WDR44: variants seen among roughly 807,000 people sequenced by gnomAD.
The protein encoded by WDR44 is WD repeat domain 44.
A neutral mutation model predicts 65.7 loss-of-function variants in WDR44; 9 were observed. That is an observed-to-expected ratio of 0.14 (90% CI 0.08 to 0.24). WDR44 has a LOEUF of 0.24. Ranked by LOEUF, WDR44 falls within the 10% of genes least tolerant of loss-of-function variation. The pLI, the probability that WDR44 is intolerant of heterozygous loss-of-function variation, is 1.00. For missense variants in WDR44, 425 were observed against 670.9 expected, an observed-to-expected ratio of 0.63 and a Z score of 4.05; for synonymous variants, 220 against 235.2, an observed-to-expected ratio of 0.94 and a Z score of 0.59.
intron 2 of WDR44, among the ~76,000 whole-genome samples, chrX:118,383,669 G>A (rs747975403): frequency 5.3e-4 from 55 of 104,645 alleles, no homozygotes; most frequent in Admixed American, 1.3e-3. Context: ...TGCGGACCCC[G>A]TTCTGCTGAG....
intron 12 of WDR44, among the ~76,000 whole-genome samples, chrX:118,424,311 A>G (rs7064482): frequency 0.29 from 21,605 of 74,788 alleles, 3,865 homozygotes; most frequent in African/African-American, 0.66. Context: ...ATATATATAT[A>G]TGTGTGTGTG....
chrX:118,417,511 C>T (rs2057067399), intron 12 of WDR44, among the ~76,000 whole-genome samples: 1 of 111,679 alleles, frequency 9.0e-6, no homozygotes, highest in South Asian at 3.7e-4. Flanking sequence ...AGATAGGGCC[C>T]CAATCCCTTC....
intron 1 of WDR44, among the ~76,000 whole-genome samples, chrX:118,372,563 T>G (rs1035908801): frequency 1.3e-4 from 15 of 111,284 alleles, no homozygotes; most frequent in African/African-American, 4.9e-4. Context: ...AAATAAGCAT[T>G]TAAAAAGCCT....
Position 118,391,651 on chromosome X carries a change from C to T in WDR44, c.187-981C>T, listed in dbSNP as rs764612938. On this transcript the variant is annotated intron_variant, in intron 3 of 19. Coordinates refer to ENST00000254029, the MANE Select transcript of WDR44 (RefSeq NM_019045.5). ...GGAGAAAATATATTCTAAATGTTGG[C>T]AGAAGATAATAGAAAGCCTGTTTAT... Among the ~76,000 whole-genome samples the T allele has an allele frequency of 1.1e-3, 124 of 111,366 alleles. 1 individual carries two copies. Among genetic ancestry groups the T allele is most frequent in the Non-Finnish European group, 5.5e-4 (29 of 53,095 alleles).
In WDR44 at chrX:118,436,630, GT is replaced by G. The variant is rs2057257497; in HGVS notation, c.1852-70del. ...AACTGTTGAGATACAAAAACCAAAA[GT>G]TCACTTTTATTGTATAAATAGGGTT... On this transcript the variant is annotated intron_variant, in intron 13 of 19. Coordinates refer to ENST00000254029, the MANE Select transcript of WDR44 (RefSeq NM_019045.5). 3 of 1,126,115 alleles carry G rather than the reference GT, an allele frequency of 2.7e-6. No individual in the cohort carries two copies. In the South Asian group the frequency reaches 6.0e-5, roughly 22 times the overall value. 92.8% of individuals were successfully genotyped at this position (1,126,115 alleles called of 1,213,427 possible). A position where few individuals can be genotyped will look rare whatever the true frequency, so the allele number is the denominator to read the frequency against.
chrX:118,363,401 CAAAA>C (rs58108879), intron 1 of WDR44, among the ~76,000 whole-genome samples: 1 of 35,507 alleles, frequency 2.8e-5, no homozygotes, highest in Non-Finnish European at 6.5e-5. Flanking sequence ...AACTCCGTCT[CAAAA>C]AAAAAAAAAA....
In WDR44 at chrX:118,424,346, T is replaced by C. The variant is rs952917654; in HGVS notation, c.1738-8435T>C. ...GTGTATATATATATATATATATATA[T>C]ATGTATATATATATAATGTTCATCC... is the stretch of plus-strand genomic sequence containing the variant. On this transcript the variant is annotated intron_variant, in intron 12 of 19. Coordinates refer to ENST00000254029, the MANE Select transcript of WDR44 (RefSeq NM_019045.5). 1.5e-3 allele frequency among the ~76,000 whole-genome samples: 129 copies of C among 88,044 alleles called. No homozygotes were observed. In the Admixed American group the frequency reaches 0.015, roughly 10 times the overall value. 76.5% of individuals were successfully genotyped at this position (88,044 alleles called of 115,157 possible).
intron 3 of WDR44, among the ~76,000 whole-genome samples, chrX:118,390,713 G>T (rs1053341939): frequency 9.0e-6 from 1 of 111,596 alleles, no homozygotes. Context: ...CCTACTCCAC[G>T]TAAATATTAG....
intron 8 of WDR44, among the ~76,000 whole-genome samples, chrX:118,403,496 T>C (rs1395436318): frequency 1.3e-5 from 1 of 74,837 alleles, no homozygotes; most frequent in Non-Finnish European, 2.1e-5. Context: ...TGTTCCTCTA[T>C]TGACAAAAAA....
At chrX:118,390,814 A>C (rs1169456602) in intron 3 of WDR44, among the ~76,000 whole-genome samples, 1 of 111,458 alleles carries the variant, frequency 9.0e-6, no homozygotes, top group Non-Finnish European at 1.9e-5. Flanking sequence ...TTTTCATGTC[A>C]TCCATCACTG....
chrX:118,443,862 G>A (rs1449907979), intron 18 of WDR44, among the ~76,000 whole-genome samples, 175 bp downstream of exon 18: 1 of 110,853 alleles, frequency 9.0e-6, no homozygotes, highest in Admixed American at 9.7e-5. Context: ...GGCTAACACG[G>A]TGAAACTCTG....
At chrX:118,374,576 C>T (rs2056641099) in intron 1 of WDR44, among the ~76,000 whole-genome samples, 1 of 111,503 alleles carries the variant, frequency 9.0e-6, no homozygotes, top group Non-Finnish European at 1.9e-5. Context: ...TGATGTCACC[C>T]AGTTGCAAGC....
chrX:118,387,458 T>C (rs1442506166), intron 3 of WDR44, 44 bp downstream of exon 3: 4 of 964,665 alleles, frequency 4.1e-6, no homozygotes, highest in Non-Finnish European at 5.8e-6. Context: ...GCAGACATCA[T>C]ATTTATATGG....
In WDR44 at chrX:118,409,060, G is replaced by A. The variant is rs943085150; in HGVS notation, c.1534-429G>A. On this transcript the variant is annotated intron_variant, in intron 10 of 19. Coordinates refer to ENST00000254029, the MANE Select transcript of WDR44 (RefSeq NM_019045.5). ...GACTTAAGTAGTGTTAGCAATTTGA[G>A]CATTATCTTAGTATATGTAATTTGG... 3.6e-5 allele frequency among the ~76,000 whole-genome samples: 4 copies of A among 112,076 alleles called. No individual in the cohort carries two copies. In the South Asian group the frequency reaches 1.1e-3, roughly 31 times the overall value.
At chrX:118,411,834 G>T (rs2057015489) in intron 12 of WDR44, among the ~76,000 whole-genome samples, 1 of 112,025 alleles carries the variant, frequency 8.9e-6, no homozygotes, top group South Asian at 3.7e-4. Flanking sequence ...TAATATATAG[G>T]ATCTCTTTAT....
intron 1 of WDR44, among the ~76,000 whole-genome samples, chrX:118,350,655 A>G (rs1238182294): frequency 9.8e-5 from 11 of 112,013 alleles, no homozygotes; most frequent in Non-Finnish European, 1.3e-4. Flanking sequence ...GGTAAATTAT[A>G]TATGAGATGA....
intron 1 of WDR44, among the ~76,000 whole-genome samples, chrX:118,349,622 A>G (rs2056385735): frequency 9.3e-6 from 1 of 107,911 alleles, no homozygotes. Flanking sequence ...CAGTGGCACG[A>G]TCTCTGCTCA....
At position 118,356,894 on chromosome X, in the gene WDR44, AG is replaced by A. The variant is rs1490477714; in HGVS notation, c.77+10315del. On this transcript the variant is annotated intron_variant, in intron 1 of 19. Transcript: ENST00000254029. The stretch of plus-strand genomic sequence containing the variant: ...GAGTCTTGTTCTGTCACCAGGCTGG[AG>A]TGCAGTGGCACAATCTCGGCTTACT... Among the ~76,000 whole-genome samples, 22 of 98,840 alleles carry A rather than the reference AG, an allele frequency of 2.2e-4. No homozygotes were observed. In the Admixed American group the frequency reaches 2.6e-3, roughly 12 times the overall value. The allele number at this position is 98,840 out of a possible 115,157, so 85.8% of individuals were successfully genotyped here. A position where few individuals can be genotyped will look rare whatever the true frequency, so the allele number is the denominator to read the frequency against.
chrX:118,388,992 T>C (rs2056795442), intron 3 of WDR44, among the ~76,000 whole-genome samples: 1 of 112,388 alleles, frequency 8.9e-6, no homozygotes, highest in South Asian at 3.6e-4. Flanking sequence ...GCTTTTCTTA[T>C]TTTTTAAAGA....
Sources: gnomAD v4.1 joint callset for allele counts (sites outside exome capture counted in the v4.1 genomes callset) on GRCh38, gnomAD v4.1.1 for gene constraint, MANE v1.5 for transcripts, NCBI Gene and HGNC (gene_info 2026-07-23, HGNC 2026-07-21) for gene names.